The following ANKFN1 variants were observed in gnomAD, a reference collection of about 807,000 sequenced individuals.
ANKFN1 encodes the protein ankyrin repeat and fibronectin type III domain containing 1.
Under a neutral mutation model 108.7 loss-of-function variants are expected in ANKFN1, and 74 were observed. The observed-to-expected ratio is 0.68, with a 90% confidence interval of 0.56 to 0.83. The LOEUF is 0.83. ANKFN1 is among the 40% of genes least tolerant of loss of function. ANKFN1 has a pLI of 0.00. For missense variants in ANKFN1, 1,505 were observed against 1,382.3 expected (o/e 1.09, Z -1.41); for synonymous variants, 547 against 516.2 (o/e 1.06, Z -0.81).
chr17:56,312,443 C>T (rs1267280630), intron 3 of ANKFN1, among the ~76,000 whole-genome samples: 1 of 152,126 alleles, frequency 6.6e-6, no homozygotes, highest in African/African-American at 2.4e-5. Context: ...CTGACCCATT[C>T]TCCCAGTACC....
At chr17:56,155,360 T>C (rs1488541219) in intron 1 of ANKFN1, among the ~76,000 whole-genome samples, 1 of 152,248 alleles carries the variant, frequency 6.6e-6, no homozygotes, top group Non-Finnish European at 1.5e-5. Context: ...ACAAGGCTTC[T>C]CACTGCTGAG....
chr17:56,211,279 A>G (rs1047846442), intron 1 of ANKFN1, among the ~76,000 whole-genome samples: 4 of 152,304 alleles, frequency 2.6e-5, no homozygotes, highest in African/African-American at 9.6e-5. Context: ...TGATTTTTGT[A>G]TAGGGTGAGA....
At chr17:56,444,303 A>C (rs2145178377) in intron 10 of ANKFN1, among the ~76,000 whole-genome samples, 1 of 152,314 alleles carries the variant, frequency 6.6e-6, no homozygotes, top group East Asian at 1.9e-4. Flanking sequence ...CTAACATTCA[A>C]CTGTAGGTTT....
chr17:56,261,307 T>C (rs750000724), intron 3 of ANKFN1, among the ~76,000 whole-genome samples: 2 of 152,252 alleles, frequency 1.3e-5, no homozygotes, highest in Admixed American at 6.5e-5. Flanking sequence ...ATTGAGTTGC[T>C]AGCATTTGAG....
At chr17:56,183,050 T>C (rs1911841522) in intron 1 of ANKFN1, among the ~76,000 whole-genome samples, 1 of 152,202 alleles carries the variant, frequency 6.6e-6, no homozygotes, top group Non-Finnish European at 1.5e-5. Context: ...TTTTAAAATA[T>C]TACTGCTTAT....
At chr17:56,260,091 C>A (rs917406242) in intron 3 of ANKFN1, among the ~76,000 whole-genome samples, 3 of 152,174 alleles carry the variant, frequency 2.0e-5, no homozygotes, top group African/African-American at 7.2e-5. Context: ...TTTATCTAAA[C>A]CATGGTGGCC....
At chr17:56,299,259 A>G (rs2044604751) in intron 3 of ANKFN1, among the ~76,000 whole-genome samples, 1 of 152,120 alleles carries the variant, frequency 6.6e-6, no homozygotes, top group African/African-American at 2.4e-5. Flanking sequence ...TCAAAGCTGC[A>G]TGTGGTGAGG....
At chr17:56,084,446 C>T (rs1905283868) in intron 4 of ANKFN1, among the ~76,000 whole-genome samples, 1 of 151,452 alleles carries the variant, frequency 6.6e-6, no homozygotes, top group Non-Finnish European at 1.5e-5. Context: ...TTTTCTCTCA[C>T]ACTGCTCTCC....
At chr17:56,399,712 A>G (rs2047692333) in intron 8 of ANKFN1, among the ~76,000 whole-genome samples, 1 of 151,784 alleles carries the variant, frequency 6.6e-6, no homozygotes, top group Admixed American at 6.6e-5. Flanking sequence ...CCCACTTATC[A>G]GTGAGAACAT....
chr17:56,136,006 C>A (rs1194408213), intron 4 of ANKFN1, among the ~76,000 whole-genome samples: 1 of 152,100 alleles, frequency 6.6e-6, no homozygotes, highest in Non-Finnish European at 1.5e-5. Flanking sequence ...AAAAAGGTAT[C>A]ATTTCATGCT....
intron 4 of ANKFN1, among the ~76,000 whole-genome samples, chr17:56,065,812 ATAAC>A (rs1905051296): frequency 6.6e-6 from 1 of 152,248 alleles, no homozygotes; most frequent in Non-Finnish European, 1.5e-5. Context: ...AGATACAGTA[ATAAC>A]GAAAAAGTTT....
intron 8 of ANKFN1, among the ~76,000 whole-genome samples, chr17:56,396,166 G>A (rs557502721): frequency 2.6e-5 from 4 of 152,188 alleles, no homozygotes; most frequent in Non-Finnish European, 4.4e-5. Flanking sequence ...AAGGGGCCAC[G>A]GGCCAGGCAC....
chr17:56,364,202 T>G (rs2046600172), intron 6 of ANKFN1, among the ~76,000 whole-genome samples: 1 of 152,130 alleles, frequency 6.6e-6, no homozygotes, highest in Admixed American at 6.5e-5. Context: ...CATAAATACA[T>G]GACATTATTA....
chr17:56,384,772 G>A (rs984805298), intron 8 of ANKFN1, among the ~76,000 whole-genome samples: 2 of 151,796 alleles, frequency 1.3e-5, no homozygotes, highest in Admixed American at 6.6e-5. Context: ...GGGACGTGAA[G>A]GACCTCTTCA....
At chr17:56,146,745 T>G (rs925599134) in intron 4 of ANKFN1, among the ~76,000 whole-genome samples, 1 of 152,140 alleles carries the variant, frequency 6.6e-6, no homozygotes, top group Non-Finnish European at 1.5e-5. Context: ...TTTTACCCCC[T>G]GGCCTCCAAG....
intron 4 of ANKFN1, among the ~76,000 whole-genome samples, chr17:56,341,213 T>A (rs895313057): frequency 6.6e-6 from 1 of 152,108 alleles, no homozygotes; most frequent in Admixed American, 6.6e-5. Context: ...GCTGAGACTG[T>A]GGGATTTTCT....
chr17:56,338,765 T>C (rs1406773459), intron 4 of ANKFN1, among the ~76,000 whole-genome samples: 4 of 152,016 alleles, frequency 2.6e-5, no homozygotes, highest in African/African-American at 9.7e-5. Context: ...AATCATATAG[T>C]GCATTCAAAC....
intron 6 of ANKFN1, among the ~76,000 whole-genome samples, chr17:56,366,113 G>A (rs1278998303): frequency 6.6e-6 from 1 of 152,140 alleles, no homozygotes; most frequent in African/African-American, 2.4e-5. Context: ...AGGCATAGGC[G>A]TAGGCTAGTG....
intron 3 of ANKFN1, among the ~76,000 whole-genome samples, chr17:56,285,560 A>G (rs895205682): frequency 2.0e-5 from 3 of 152,120 alleles, no homozygotes; most frequent in Non-Finnish European, 4.4e-5. Flanking sequence ...GGAGCAGTAT[A>G]ATGCTGACAT....
Sources: gnomAD v4.1 joint callset for allele counts (sites outside exome capture counted in the v4.1 genomes callset) on GRCh38, gnomAD v4.1.1 for gene constraint, MANE v1.5 for transcripts, NCBI Gene and HGNC (gene_info 2026-07-23, HGNC 2026-07-21) for gene names.